GLIS2: variants seen among roughly 807,000 people sequenced by gnomAD.
GLIS2 encodes the protein zinc finger protein GLIS2.
In GLIS2, 14 loss-of-function variants were observed where a neutral mutation model predicts 35.6. The ratio of observed to expected loss-of-function variants is 0.39; its 90% CI spans 0.26 to 0.61. The LOEUF is 0.61. Ranked by LOEUF, GLIS2 falls within the 20% of genes least tolerant of loss-of-function variation. The probability of loss-of-function intolerance (pLI) is 0.48; values close to 1 mark genes in which losing one functional copy is unlikely to be tolerated. For synonymous variants in GLIS2, 368 were observed against 325.1 expected (o/e 1.13, Z -1.42); for missense variants, 675 against 713.4 (o/e 0.95, Z 0.61).
At chr16:4,315,617 C>T (rs2141116364), upstream of GLIS2, among the ~76,000 whole-genome samples, 2 of 151,554 alleles carry the variant, frequency 1.3e-5, no homozygotes, top group Admixed American at 1.3e-4. Flanking sequence ...CCCCCCAGGC[C>T]ACCTCCCGGC....
At chr16:4,318,493 C>T (rs959740453) in intron 1 of GLIS2, among the ~76,000 whole-genome samples, 2 of 152,230 alleles carry the variant, frequency 1.3e-5, no homozygotes, top group Non-Finnish European at 2.9e-5. Context: ...GAACCGCGTC[C>T]CCCCAAAGCT....
rs528597262 is a variant in GLIS2, at chr16:4,337,390, C to G, written c.1441C>G (p.Pro481Ala). The G allele has an allele frequency of 1.3e-6, 2 of 1,593,012 alleles. No homozygotes were observed. Among genetic ancestry groups the G allele is most frequent in the South Asian group, 1.1e-5 (1 of 87,906 alleles). The change falls in exon 7 of 7, where the codon CCC (proline) becomes GCC (alanine). Residue 481 changes from proline (P) to alanine (A), a missense_variant. Pro to Ala is a conservative substitution (Grantham distance 27, BLOSUM62 -1). This residue lies in a region of GLIS2 where 317 missense variants were observed against 283.2 expected (regional missense o/e 1.12). Transcript: ENST00000433375. Reference protein sequence around the residue: ...SCSRPSPDGLPLLPGTVLDLS... With the variant: ...SCSRPSPDGLALLPGTVLDLS... ...CTCCCGGCCAAGCCCCGATGGACTCCCCCTGCTGCCAGGCACCGTGCTGGA... is the reference window on the plus strand; with the variant it reads ...CTCCCGGCCAAGCCCCGATGGACTCGCCCTGCTGCCAGGCACCGTGCTGGA...
Position 4,320,484 on chromosome 16 carries a change from C to G in GLIS2, c.-67+4230C>G, listed in dbSNP as rs1029943427. On this transcript the variant is annotated intron_variant, in intron 1 of 6. Coordinates refer to ENST00000433375, the MANE Select transcript of GLIS2 (RefSeq NM_032575.3). This position sits in a 1 kb window ranked among gnomAD's most constrained non-coding sequence, Gnocchi z 5.6. ...GAGGTCACTCCCAATCGGGGAAGAA[C>G]AGAGGGGAACTGGAGTCTGGGGCTG... 6.6e-6 allele frequency among the ~76,000 whole-genome samples: 1 copy of G among 152,162 alleles called. No individual in the cohort carries two copies. The highest frequency in any genetic ancestry group is 1.9e-4 in the East Asian group (1 of 5,160).
chr16:4,316,666 G>T (rs2053316404), intron 1 of GLIS2, among the ~76,000 whole-genome samples: 1 of 152,076 alleles, frequency 6.6e-6, no homozygotes, highest in Non-Finnish European at 1.5e-5. Flanking sequence ...TCTCGGCCGC[G>T]CCGGGGCTGC....
chr16:4,325,816 G>A (rs368114684), intron 1 of GLIS2, among the ~76,000 whole-genome samples: 56 of 151,438 alleles, frequency 3.7e-4, no homozygotes, highest in African/African-American at 1.3e-3. Flanking sequence ...GTGCACCTGT[G>A]GTCCTAGCTG....
intron 1 of GLIS2, among the ~76,000 whole-genome samples, chr16:4,329,804 G>A (rs990252866): frequency 6.6e-6 from 1 of 152,242 alleles, no homozygotes; most frequent in Admixed American, 6.5e-5. Context: ...ATCTCACAGC[G>A]TGATTGTGCG....
In GLIS2 at chr16:4,337,711, C is replaced by A; in HGVS notation, c.*187C>A. 1 of 795,522 alleles carries A rather than the reference C, an allele frequency of 1.3e-6. No individual in the cohort carries two copies. The highest frequency in any genetic ancestry group is 1.6e-5 in the South Asian group (1 of 60,690). 49.3% of individuals were successfully genotyped at this position (795,522 alleles called of 1,614,324 possible). A position where few individuals can be genotyped will look rare whatever the true frequency, so the allele number is the denominator to read the frequency against. ...TCCCAGCCCCCGGGTGGGGACCTGG[C>A]CTGTCATGCAGGGAGAGCTGTGCTC... is the stretch of plus-strand genomic sequence containing the variant. On this transcript the variant is annotated 3_prime_UTR_variant, in exon 7 of 7. Transcript: ENST00000433375.
At chr16:4,319,011 TG>T (rs1220345624) in intron 1 of GLIS2, among the ~76,000 whole-genome samples, 1 of 152,004 alleles carries the variant, frequency 6.6e-6, no homozygotes, top group Non-Finnish European at 1.5e-5. Context: ...GAGGCACTTT[TG>T]TGGGTCGCCT....
Position 4,335,063 on chromosome 16 carries a change from A to T in GLIS2, c.526A>T (p.Asn176Tyr). Residue 176 changes from asparagine (N) to tyrosine (Y), a missense_variant, in exon 5 of 7, where the codon AAC becomes TAC. Physicochemically the swap from Asn to Tyr is moderately radical, Grantham distance 143. This residue lies in a region of GLIS2 where 225 missense variants were observed against 238.7 expected (regional missense o/e 0.94). Transcript: ENST00000433375. This position sits in a 1 kb window ranked among gnomAD's most constrained non-coding sequence, Gnocchi z 4.6. ...KQLVCRWAKC[N>Y]QLFELLQDLV... ...GAACACTTCCCATCCTCCGCAGTGT[A>T]ACCAGCTCTTTGAGCTCCTGCAAGA... The T allele has an allele frequency of 6.2e-7, 1 of 1,613,456 alleles. No individual in the cohort carries two copies. The highest frequency in any genetic ancestry group is 8.5e-7 in the Non-Finnish European group (1 of 1,180,016).
chr16:4,315,666 C>CGG (rs775747342), upstream of GLIS2, among the ~76,000 whole-genome samples: 293 of 138,660 alleles, frequency 2.1e-3, 4 homozygotes, highest in African/African-American at 5.1e-3. Context: ...GGCGGGGCCG[C>CGG]GGGGGGGGGG....
chr16:4,328,605 C>T (rs571518430), intron 1 of GLIS2, among the ~76,000 whole-genome samples: 11 of 152,312 alleles, frequency 7.2e-5, no homozygotes, highest in Admixed American at 2.0e-4. Flanking sequence ...GGCCGTGTGC[C>T]GGGCTCTGGC....
intron 1 of GLIS2, among the ~76,000 whole-genome samples, chr16:4,328,949 C>A (rs1303151518): frequency 6.6e-6 from 1 of 151,428 alleles, no homozygotes; most frequent in African/African-American, 2.4e-5. Context: ...AACCATCCTG[C>A]CCTTGTGGTC....
intron 1 of GLIS2, chr16:4,324,770 T>A (rs1325023876): frequency 1.3e-5 from 2 of 152,310 alleles, no homozygotes; most frequent in African/African-American, 4.8e-5. Flanking sequence ...CTGCATTGGT[T>A]TCTCCCTGAA....
Position 4,332,080 on chromosome 16 carries a change from C to A in GLIS2, c.-66-135C>A. 1.5e-6 allele frequency: 1 copy of A among 681,552 alleles called. No individual in the cohort carries two copies. 42.2% of individuals were successfully genotyped at this position (681,552 alleles called of 1,614,324 possible). A position where few individuals can be genotyped will look rare whatever the true frequency, so the allele number is the denominator to read the frequency against. ...CCCCCATGATAGCTGCCGGCCAGGT[C>A]GCTCGGAGGGTCTCCCTACCCAGGA... On this transcript the variant is annotated intron_variant, in intron 1 of 6. Transcript: ENST00000433375. The surrounding 1 kb of genome is among the most constrained non-coding windows in gnomAD (Gnocchi z 5.4).
intron 1 of GLIS2, among the ~76,000 whole-genome samples, chr16:4,318,856 A>T (rs1335912012): frequency 6.6e-6 from 1 of 152,202 alleles, no homozygotes; most frequent in Non-Finnish European, 1.5e-5. Context: ...CTCGCCTGGA[A>T]TCTGAATTCC....
At chr16:4,334,531 C>T (rs2053529756) in intron 3 of GLIS2, among the ~76,000 whole-genome samples, 1 of 151,994 alleles carries the variant, frequency 6.6e-6, no homozygotes, top group Non-Finnish European at 1.5e-5. Flanking sequence ...AGCCACCGCA[C>T]CTGGCTATAT....
At chr16:4,325,517 G>A (rs1261918985) in intron 1 of GLIS2, among the ~76,000 whole-genome samples, 1 of 152,132 alleles carries the variant, frequency 6.6e-6, no homozygotes, top group Non-Finnish European at 1.5e-5. Flanking sequence ...TTCCCCATCT[G>A]TAAGACCATA....
chr16:4,337,648 C>T lies in GLIS2; in HGVS notation c.*124C>T, dbSNP rs907085406. The stretch of plus-strand genomic sequence containing the variant: ...CCCGGGCAGCCCCAGCCCAGCCCGC[C>T]GGGAGCAAGGATGGTGCTAGGTCAT... On this transcript the variant is annotated 3_prime_UTR_variant, in exon 7 of 7. Transcript: ENST00000433375. 1.5e-5 allele frequency: 21 copies of T among 1,400,026 alleles called. No homozygotes were observed. The African/African-American group carries it at 1.7e-4, about 11-fold the overall frequency. The allele number at this position is 1,400,026 out of a possible 1,614,324, so 86.7% of individuals were successfully genotyped here.
chr16:4,327,623 T>C (rs811692), intron 1 of GLIS2, among the ~76,000 whole-genome samples: 1 of 151,748 alleles, frequency 6.6e-6, no homozygotes, highest in Non-Finnish European at 1.5e-5. Flanking sequence ...CGGGCTGCGG[T>C]CGGGCACACA....
Sources: gnomAD v4.1 joint callset for allele counts (sites outside exome capture counted in the v4.1 genomes callset) on GRCh38, gnomAD v4.1.1 for gene constraint, gnomAD v4.1.1 regional missense constraint, Gnocchi (gnomAD v3.1) non-coding constraint, MANE v1.5 for transcripts, NCBI Gene and HGNC (gene_info 2026-07-23, HGNC 2026-07-21) for gene names.